RCOR1: variants seen among roughly 807,000 people sequenced by gnomAD.
RCOR1 encodes the protein REST corepressor 1.
RCOR1 carries 12 observed loss-of-function variants against 64.0 expected under a neutral mutation model. That is an observed-to-expected ratio of 0.19 (90% confidence interval 0.12 to 0.30). The LOEUF is 0.30. Ranked by LOEUF, RCOR1 falls within the 10% of genes least tolerant of loss-of-function variation. RCOR1 has a pLI of 1.00. For missense variants in RCOR1, 502 were observed against 621.2 expected (o/e 0.81, Z 2.04); for synonymous variants, 279 against 227.2 (o/e 1.23, Z -2.05).
intron 8 of RCOR1, among the ~76,000 whole-genome samples, chr14:102,715,059 G>A (rs1433572501): frequency 6.6e-6 from 1 of 151,580 alleles, no homozygotes; most frequent in African/African-American, 2.4e-5. Flanking sequence ...CCTTGTAGGT[G>A]GCCACTATTC....
At chr14:102,635,397 G>A (rs886271707) in intron 2 of RCOR1, among the ~76,000 whole-genome samples, 4 of 152,176 alleles carry the variant, frequency 2.6e-5, no homozygotes, top group South Asian at 2.1e-4. Context: ...CCAGCTACTC[G>A]GGAGGCTGAG....
At position 102,730,134 on chromosome 14, in the gene RCOR1, TCTC is replaced by T. The variant is rs1256546741; in HGVS notation, c.*3631_*3633del. ...TGATGATGAGTGTTTACAGCCACCTTCTCCTAAAACGAAATTTATACCGGGGTG... is the reference window on the plus strand; with the variant it reads ...TGATGATGAGTGTTTACAGCCACCTTCTAAAACGAAATTTATACCGGGGTG... On this transcript the variant is annotated 3_prime_UTR_variant, in exon 12 of 12. Transcript: ENST00000262241. 1 of 398,208 alleles carries T rather than the reference TCTC, an allele frequency of 2.5e-6. No homozygotes were observed. Among genetic ancestry groups the T allele is most frequent in the East Asian group, 3.6e-5 (1 of 28,072 alleles). 24.7% of individuals were successfully genotyped at this position (398,208 alleles called of 1,614,324 possible).
At chr14:102,678,308 T>G (rs1478132172) in intron 2 of RCOR1, among the ~76,000 whole-genome samples, 6 of 152,074 alleles carry the variant, frequency 3.9e-5, no homozygotes, top group African/African-American at 1.2e-4. Flanking sequence ...TTTTTTTGTT[T>G]GTTTGTTTTG....
intron 2 of RCOR1, among the ~76,000 whole-genome samples, chr14:102,680,111 TCTTA>T (rs1895274765): frequency 6.6e-6 from 1 of 152,226 alleles, no homozygotes; most frequent in South Asian, 2.1e-4. Flanking sequence ...AGTGTACACA[TCTTA>T]CTTTATCCCT....
intron 2 of RCOR1, among the ~76,000 whole-genome samples, chr14:102,601,410 T>A (rs973324500): frequency 2.0e-5 from 3 of 152,218 alleles, no homozygotes; most frequent in African/African-American, 7.2e-5. Context: ...TTTATATTAT[T>A]TCTGTGATAG....
chr14:102,642,013 T>C (rs1894380667), intron 2 of RCOR1, among the ~76,000 whole-genome samples: 1 of 152,204 alleles, frequency 6.6e-6, no homozygotes, highest in Non-Finnish European at 1.5e-5. Context: ...GTGGTGAATA[T>C]TTGATAGTAC....
At chr14:102,674,986 C>T (rs1309040410) in intron 2 of RCOR1, among the ~76,000 whole-genome samples, 1 of 133,222 alleles carries the variant, frequency 7.5e-6, no homozygotes, top group South Asian at 2.4e-4. Context: ...ACCCGGGAGG[C>T]GGAGCTTGCA....
At chr14:102,669,099 C>G (rs62007927) in intron 2 of RCOR1, among the ~76,000 whole-genome samples, 3 of 151,930 alleles carry the variant, frequency 2.0e-5, no homozygotes, top group Admixed American at 6.6e-5. Context: ...CACCTGAAGT[C>G]GGGAGTTTGA....
intron 2 of RCOR1, among the ~76,000 whole-genome samples, chr14:102,638,936 T>C (rs2139918652): frequency 6.6e-6 from 1 of 152,346 alleles, no homozygotes; most frequent in South Asian, 2.1e-4. Flanking sequence ...GTGCTGGGAT[T>C]GCAGGCGTGA....
At chr14:102,701,959 G>C (rs993274052) in intron 4 of RCOR1, among the ~76,000 whole-genome samples, 2 of 152,170 alleles carry the variant, frequency 1.3e-5, no homozygotes, top group Non-Finnish European at 2.9e-5. Flanking sequence ...GAGCCACTGC[G>C]CCTGGCCAAG....
At chr14:102,706,154 A>G (rs1057362635) in intron 4 of RCOR1, among the ~76,000 whole-genome samples, 11 of 150,166 alleles carry the variant, frequency 7.3e-5, no homozygotes, top group African/African-American at 2.7e-4. Flanking sequence ...CTAAAAAAAC[A>G]GTAATTCAGG....
At chr14:102,593,227 C>T (rs767320263) in intron 1 of RCOR1, 39 bp from the exon 2 acceptor site, 11 of 1,481,770 alleles carry the variant, frequency 7.4e-6, no homozygotes, top group Non-Finnish European at 8.9e-6. Context: ...GCCCCGCGCC[C>T]CGCGCCGCGC....
rs1255807078 is a variant in RCOR1, at chr14:102,722,271, T to G, written c.1274T>G (p.Val425Gly). The change falls in exon 11 of 12, where the codon GTA becomes GGA. Residue 425 changes from valine (V) to glycine (G), a missense_variant. This residue lies in a region of RCOR1 where 260 missense variants were observed against 416.4 expected (regional missense o/e 0.62). Transcript: ENST00000262241. The stretch of plus-strand genomic sequence containing the variant: ...GTGGTACAAGTGAAAAACTTTTTTG[T>G]AAATTATCGACGCCGCTTCAACATA... ...KSVVQVKNFF[V>G]NYRRRFNIDE... The G allele has an allele frequency of 6.2e-7, 1 of 1,614,216 alleles. No homozygotes were observed. The highest frequency in any genetic ancestry group is 8.5e-7 in the Non-Finnish European group (1 of 1,180,036).
rs563026379 is a variant in RCOR1, at chr14:102,688,900, G to A, written c.445+6922G>A. On this transcript the variant is annotated intron_variant, in intron 3 of 11. Transcript: ENST00000262241. ...CTGTTTATACCATTCCAGGCTGCCC[G>A]CCTTTGGGGACTCCATCCTCATTCC... 3.3e-4 allele frequency among the ~76,000 whole-genome samples: 50 copies of A among 152,220 alleles called. No homozygotes were observed. In the South Asian group the frequency reaches 8.1e-3, roughly 25 times the overall value.
intron 4 of RCOR1, among the ~76,000 whole-genome samples, chr14:102,702,227 A>G (rs1387754028): frequency 3.3e-5 from 5 of 152,118 alleles, no homozygotes; most frequent in Admixed American, 1.3e-4. Flanking sequence ...TTGGCCTTAC[A>G]TTTAATTACT....
At chr14:102,655,904 G>A in intron 2 of RCOR1, 1 of 853,094 alleles carries the variant, frequency 1.2e-6, no homozygotes, top group Non-Finnish European at 1.4e-6. Context: ...GGTCAGTCGA[G>A]ATCGCGCCAC....
intron 2 of RCOR1, among the ~76,000 whole-genome samples, chr14:102,607,871 G>A (rs1893546261): frequency 6.6e-6 from 1 of 152,020 alleles, no homozygotes; most frequent in Non-Finnish European, 1.5e-5. Context: ...AACAGAGCGA[G>A]ACTCTGTCTC....
Position 102,713,087 on chromosome 14 carries a change from G to A in RCOR1, c.859-1336G>A, listed in dbSNP as rs1895994723. 4.0e-5 allele frequency among the ~76,000 whole-genome samples: 6 copies of A among 148,382 alleles called. No homozygotes were observed. The South Asian group carries it at 1.3e-3, about 32-fold the overall frequency. On this transcript the variant is annotated intron_variant, in intron 7 of 11. Coordinates refer to ENST00000262241, the MANE Select transcript of RCOR1 (RefSeq NM_015156.4). ...CTCTGCTTCAGCCTCCCAAGTAGCT[G>A]GGATTACAGGGGCCCGCAACCATGC...
intron 2 of RCOR1, among the ~76,000 whole-genome samples, chr14:102,610,682 C>T (rs1893612487): frequency 6.6e-6 from 1 of 152,074 alleles, no homozygotes; most frequent in African/African-American, 2.4e-5. Flanking sequence ...CCTGCCTTAG[C>T]CTCCTGAGTA....
Sources: gnomAD v4.1 joint callset for allele counts (sites outside exome capture counted in the v4.1 genomes callset) on GRCh38, gnomAD v4.1.1 for gene constraint, gnomAD v4.1.1 regional missense constraint, MANE v1.5 for transcripts, NCBI Gene and HGNC (gene_info 2026-07-23, HGNC 2026-07-21) for gene names.